CLPTM1L: variants seen among roughly 807,000 people sequenced by gnomAD.
CLPTM1L encodes the protein lipid scramblase CLPTM1L.
CLPTM1L carries 38 observed loss-of-function variants against 70.9 expected under a neutral mutation model. The ratio of observed to expected loss-of-function variants is 0.54; its 90% CI spans 0.41 to 0.70. CLPTM1L has a LOEUF of 0.70. CLPTM1L is among the 30% of genes least tolerant of loss of function. CLPTM1L has a pLI of 0.00. For missense variants in CLPTM1L, 652 were observed against 705.9 expected (o/e 0.92, Z 0.87); for synonymous variants, 339 against 299.9 (o/e 1.13, Z -1.35).
chr5:1,323,947 C>T (rs548433912), intron 11 of CLPTM1L, 78 bp from the exon 12 acceptor site: 21 of 1,131,894 alleles, frequency 1.9e-5, no homozygotes, highest in African/African-American at 6.1e-5. Flanking sequence ...GAGCTCACCC[C>T]GACAGGGACA....
At chr5:1,336,683 G>A (rs1276110744) in intron 5 of CLPTM1L, among the ~76,000 whole-genome samples, 1 of 152,196 alleles carries the variant, frequency 6.6e-6, no homozygotes, top group Non-Finnish European at 1.5e-5. Flanking sequence ...GAATTGCAGG[G>A]GCCGACAGAG....
rs1283158892 is a variant in CLPTM1L, at chr5:1,318,184, TGG to T, written c.*183_*184del. Reference sequence around the variant, plus strand: ...TGTGACCAAGACAGATGTTCACACGTGGGGGCATCGTAAGCGCTACCAGCTCC... The same window carrying T: ...TGTGACCAAGACAGATGTTCACACGTGGGCATCGTAAGCGCTACCAGCTCC... On this transcript the variant is annotated 3_prime_UTR_variant, in exon 17 of 17. Coordinates refer to ENST00000320895, the MANE Select transcript of CLPTM1L (RefSeq NM_030782.5). The surrounding 1 kb of genome is among the most constrained non-coding windows in gnomAD (Gnocchi z 8.9). 1 of 601,136 alleles carries T rather than the reference TGG, an allele frequency of 1.7e-6. No homozygotes were observed. The highest frequency in any genetic ancestry group is 1.9e-5 in the African/African-American group (1 of 54,040). The allele number at this position is 601,136 out of a possible 1,614,324, so 37.2% of individuals were successfully genotyped here.
At chr5:1,322,646 T>C (rs938299939) in intron 13 of CLPTM1L, among the ~76,000 whole-genome samples, 1 of 152,230 alleles carries the variant, frequency 6.6e-6, no homozygotes, top group African/African-American at 2.4e-5. Flanking sequence ...TCCCTGTCGC[T>C]TGTACAAGGA....
chr5:1,340,775 A>G (rs533871779), intron 3 of CLPTM1L, among the ~76,000 whole-genome samples: 14 of 152,180 alleles, frequency 9.2e-5, no homozygotes, highest in Admixed American at 2.6e-4. Context: ...GAAAGCTGCC[A>G]TCTTTCTTGT....
At chr5:1,323,369 C>T (rs1013810164) in intron 12 of CLPTM1L, among the ~76,000 whole-genome samples, 1 of 132,234 alleles carries the variant, frequency 7.6e-6, no homozygotes, top group Non-Finnish European at 1.8e-5. Context: ...TCCCTCTTGG[C>T]TCAGGGCCAG....
chr5:1,319,600 G>A (rs948608567), intron 16 of CLPTM1L, among the ~76,000 whole-genome samples: 5 of 152,188 alleles, frequency 3.3e-5, no homozygotes, highest in Admixed American at 2.0e-4. Flanking sequence ...CCGCCAGGAC[G>A]GCCTGGGGGA....
intron 12 of CLPTM1L, among the ~76,000 whole-genome samples, chr5:1,323,122 TCCAGGAAC>T (rs1256936523): frequency 6.6e-6 from 1 of 151,890 alleles, no homozygotes; most frequent in Non-Finnish European, 1.5e-5. Context: ...GGCCGGGCAC[TCCAGGAAC>T]CCCTCAGCTC....
Position 1,342,053 on chromosome 5 carries a change from T to C in CLPTM1L, c.264-193A>G, listed in dbSNP as rs956844055. Among the ~76,000 whole-genome samples the C allele has an allele frequency of 4.5e-3, 579 of 128,384 alleles. 3 individuals are homozygous for C. Among genetic ancestry groups the C allele is most frequent in the African/African-American group, 0.019 (557 of 28,958 alleles). 84.2% of individuals were successfully genotyped at this position (128,384 alleles called of 152,430 possible). A position where few individuals can be genotyped will look rare whatever the true frequency, so the allele number is the denominator to read the frequency against. On this transcript the variant is annotated intron_variant, in intron 2 of 16. Transcript: ENST00000320895. The surrounding 1 kb of genome is among the most constrained non-coding windows in gnomAD (Gnocchi z 4.3). ...GTGTGTGTGTGTGCACGCGCACGCG[T>C]GCGCGTCCTGAGAACTCGGCACAGG... is the stretch of plus-strand genomic sequence containing the variant.
chr5:1,337,211 C>T (rs189855316), intron 5 of CLPTM1L, among the ~76,000 whole-genome samples: 7 of 152,328 alleles, frequency 4.6e-5, no homozygotes, highest in Admixed American at 3.3e-4. Context: ...ACCACAATTA[C>T]GGAAAGATTC....
At chr5:1,325,349 G>C in intron 10 of CLPTM1L, 1 of 258,526 alleles carries the variant, frequency 3.9e-6, no homozygotes, top group Middle Eastern at 1.2e-3. Context: ...TGGGCGCCCA[G>C]GCACTGGGGC....
chr5:1,318,110 C>A lies in CLPTM1L; in HGVS notation c.*259G>T, dbSNP rs1429691536. ...AGGACATGGCCGAACCCCGGACACT[C>A]GTGTGCCGGGAGCCACCACAGCTCA... On this transcript the variant is annotated 3_prime_UTR_variant, in exon 17 of 17. Coordinates refer to ENST00000320895, the MANE Select transcript of CLPTM1L (RefSeq NM_030782.5). This position sits in a 1 kb window ranked among gnomAD's most constrained non-coding sequence, Gnocchi z 8.9. 5 of 508,136 alleles carry A rather than the reference C, an allele frequency of 9.8e-6. No individual in the cohort carries two copies. In the East Asian group the frequency reaches 1.6e-4, roughly 17 times the overall value. 31.5% of individuals were successfully genotyped at this position (508,136 alleles called of 1,614,324 possible).
At chr5:1,322,461 A>G (rs773699939) in intron 13 of CLPTM1L, among the ~76,000 whole-genome samples, 41 of 152,214 alleles carry the variant, frequency 2.7e-4, no homozygotes, top group Non-Finnish European at 5.3e-4. Context: ...CATTTGCTCT[A>G]AGGAACCAGA....
chr5:1,322,918 C>T lies in CLPTM1L; in HGVS notation c.1281-7G>A, dbSNP rs372360011. The T allele has an allele frequency of 1.1e-5, 18 of 1,607,974 alleles. No individual in the cohort carries two copies. Among genetic ancestry groups the T allele is most frequent in the South Asian group, 3.3e-5 (3 of 90,404 alleles). On this transcript the variant is annotated splice_polypyrimidine_tract_variant and splice_region_variant and intron_variant, in intron 12 of 16. Transcript: ENST00000320895. The stretch of plus-strand genomic sequence containing the variant: ...GATTAACCAGGAGTACCAGCTGAAA[C>T]GGAAAAAAAAGGAGAAGTCCTATTT...
At chr5:1,344,299 T>C in intron 2 of CLPTM1L, 52 bp downstream of exon 2, 1 of 1,217,050 alleles carries the variant, frequency 8.2e-7, no homozygotes, top group Admixed American at 1.7e-5. Flanking sequence ...TTAAACAATC[T>C]GAACATGAGT....
intron 8 of CLPTM1L, 38 bp downstream of exon 8, chr5:1,331,761 G>C (rs1002173904): frequency 2.5e-6 from 4 of 1,578,860 alleles, no homozygotes; most frequent in Middle Eastern, 3.3e-4. Flanking sequence ...GCTCCCTGGG[G>C]CAGAGTATCT....
At position 1,320,707 on chromosome 5, in the gene CLPTM1L, C is replaced by G; in HGVS notation, c.1441G>C (p.Val481Leu). Residue 481 changes from valine to leucine, a missense_variant, in exon 16 of 17, where the codon GTC (valine) becomes CTC (leucine). Val to Leu is a conservative substitution (Grantham distance 32, BLOSUM62 1). Coordinates refer to ENST00000320895, the MANE Select transcript of CLPTM1L (RefSeq NM_030782.5). The part of the protein sequence containing the change: ...YKAFNTFIDD[V>L]FAFIITMPTS... ...GGCATGGTGATGATGAAGGCAAAGACGTCATCAATGAAGGTGTTGAAAGCC... is the reference window on the plus strand; with the variant it reads ...GGCATGGTGATGATGAAGGCAAAGAGGTCATCAATGAAGGTGTTGAAAGCC... 1 of 1,547,264 alleles carries G rather than the reference C, an allele frequency of 6.5e-7. No individual in the cohort carries two copies. Among genetic ancestry groups the G allele is most frequent in the Non-Finnish European group, 8.7e-7 (1 of 1,144,342 alleles).
At chr5:1,333,630 TGAG>T (rs1238883700) in intron 7 of CLPTM1L, among the ~76,000 whole-genome samples, 6 of 113,232 alleles carry the variant, frequency 5.3e-5, no homozygotes, top group South Asian at 3.0e-4. Flanking sequence ...ACACACCAGA[TGAG>T]GATAAGGGGG....
In CLPTM1L at chr5:1,342,438, C is replaced by A. The variant is rs1454580456; in HGVS notation, c.264-578G>T. On this transcript the variant is annotated intron_variant, in intron 2 of 16. Coordinates refer to ENST00000320895, the MANE Select transcript of CLPTM1L (RefSeq NM_030782.5). The surrounding 1 kb of genome is among the most constrained non-coding windows in gnomAD (Gnocchi z 4.3). ...CTGACTGTGTGGCATCCAGCACGAGCTGAGGAAAGGCCCGGCGAGCTGCTA... is the reference window on the plus strand; with the variant it reads ...CTGACTGTGTGGCATCCAGCACGAGATGAGGAAAGGCCCGGCGAGCTGCTA... Among the ~76,000 whole-genome samples the A allele has an allele frequency of 6.6e-6, 1 of 152,174 alleles. No homozygotes were observed. Among genetic ancestry groups the A allele is most frequent in the African/African-American group, 2.4e-5 (1 of 41,426 alleles).
intron 3 of CLPTM1L, among the ~76,000 whole-genome samples, chr5:1,340,473 T>C (rs1341834410): frequency 6.6e-6 from 1 of 152,192 alleles, no homozygotes; most frequent in African/African-American, 2.4e-5. Context: ...TTAGCGATAA[T>C]TTACATTACA....
Sources: gnomAD v4.1 joint callset for allele counts (sites outside exome capture counted in the v4.1 genomes callset) on GRCh38, gnomAD v4.1.1 for gene constraint, Gnocchi (gnomAD v3.1) non-coding constraint, MANE v1.5 for transcripts, NCBI Gene and HGNC (gene_info 2026-07-23, HGNC 2026-07-21) for gene names.